The following ZNF195 variants were observed in gnomAD, a reference collection of about 807,000 sequenced individuals.
ZNF195 encodes zinc finger protein 195.
ZNF195 carries 11 observed loss-of-function variants against 19.5 expected under a neutral mutation model. The observed-to-expected ratio is 0.57, with a 90% CI of 0.36 to 0.94. ZNF195 has a LOEUF of 0.94. ZNF195 is among the 40% of genes least tolerant of loss of function. The pLI is 0.01. For missense variants in ZNF195, 582 were observed against 709.0 expected (o/e 0.82, Z 2.03); for synonymous variants, 214 against 248.1 (o/e 0.86, Z 1.29).
At chr11:3,367,145 T>C (rs1387967117) in intron 3 of ZNF195, 2 of 314,128 alleles carry the variant, frequency 6.4e-6, no homozygotes, top group Non-Finnish European at 1.3e-5. Context: ...TCTAGATCTA[T>C]ATCAAAAGTA....
intron 3 of ZNF195, among the ~76,000 whole-genome samples, chr11:3,364,258 A>G (rs1035635277): frequency 1.7e-4 from 26 of 152,292 alleles, no homozygotes; most frequent in Admixed American, 1.6e-3. Flanking sequence ...GTCAGGAGTT[A>G]GGAATTAGCA....
Position 3,378,906 on chromosome 11 carries a change from T to C in ZNF195, c.3+132A>G, listed in dbSNP as rs993074883. ...CGGGGCGCGCGGGGCCCGGCCGCCA[T>C]GGTGCAGCTGGAGGGGCCTCGGGTC... On this transcript the variant is annotated intron_variant, in intron 1 of 5. Transcript: ENST00000399602. 7.0e-6 allele frequency: 8 copies of C among 1,146,182 alleles called. No individual in the cohort carries two copies. In the African/African-American group the frequency reaches 9.6e-5, roughly 14 times the overall value. 71.0% of individuals were successfully genotyped at this position (1,146,182 alleles called of 1,614,324 possible).
At position 3,371,004 on chromosome 11, in the gene ZNF195, T is replaced by C. The variant is rs755047059; in HGVS notation, c.197A>G (p.Lys66Arg). ...ATGTCCGTCTGCTGCCTCCTGTCTC[T>C]TCACATTCCAGGGCTCTTTTCGTTG... is the stretch of plus-strand genomic sequence containing the variant. ...LEQRKEPWNV[K>R]RQEAADGHPE... is the part of the protein sequence containing the mutation. The change falls in exon 3 of 6, where the codon AAG becomes AGG. Residue 66 changes from lysine (K) to arginine (R), a missense_variant. Physicochemically the swap from Lys to Arg is conservative, Grantham distance 26 (BLOSUM62 2). Coordinates refer to ENST00000399602, the MANE Select transcript of ZNF195 (RefSeq NM_001130520.3). 1 of 1,614,130 alleles carries C rather than the reference T, an allele frequency of 6.2e-7. No homozygotes were observed. The highest frequency in any genetic ancestry group is 1.1e-5 in the South Asian group (1 of 91,084).
intron 3 of ZNF195, chr11:3,369,380 C>G (rs1009160167): frequency 5.8e-6 from 2 of 346,880 alleles, no homozygotes; most frequent in Non-Finnish European, 1.2e-5. Context: ...AATCACACTT[C>G]TGTGTATATA....
At chr11:3,371,488 A>C in intron 2 of ZNF195, 89 bp downstream of exon 2, 1 of 1,553,162 alleles carries the variant, frequency 6.4e-7, no homozygotes, top group South Asian at 1.2e-5. Context: ...TCATTCATGC[A>C]ACGCAGAAAC....
Position 3,360,678 on chromosome 11 carries a change from A to G in ZNF195, c.442+42T>C, listed in dbSNP as rs546405349. ...TTAGCAAAATGGCATAAAAAATACC[A>G]CAGGCCCTAATTTCTGTATAAACAT... is the stretch of plus-strand genomic sequence containing the variant. On this transcript the variant is annotated intron_variant, in intron 5 of 5. Transcript: ENST00000399602. 5.0e-5 allele frequency: 78 copies of G among 1,546,936 alleles called. No individual in the cohort carries two copies. In the African/African-American group the frequency reaches 9.8e-4, roughly 19 times the overall value.
At chr11:3,364,430 CATA>C (rs1848769363) in intron 3 of ZNF195, among the ~76,000 whole-genome samples, 1 of 152,018 alleles carries the variant, frequency 6.6e-6, no homozygotes, top group South Asian at 2.1e-4. Context: ...ACTTTACTAT[CATA>C]ATGATGGTGT....
chr11:3,377,383 G>A (rs543258307), intron 1 of ZNF195, among the ~76,000 whole-genome samples: 6 of 152,276 alleles, frequency 3.9e-5, no homozygotes, highest in East Asian at 1.9e-4. Context: ...ACTGTGCCCC[G>A]CTGAGTGTCC....
At chr11:3,366,641 A>G (rs1589808514) in intron 3 of ZNF195, 1 of 153,192 alleles carries the variant, frequency 6.5e-6, no homozygotes, top group African/African-American at 2.5e-5. Flanking sequence ...CAATTAAGAT[A>G]TTTCCTCACA....
intron 1 of ZNF195, among the ~76,000 whole-genome samples, chr11:3,373,382 T>A (rs539547494): frequency 1.9e-3 from 294 of 152,242 alleles, no homozygotes; most frequent in Non-Finnish European, 1.6e-3. Flanking sequence ...AAGGTGAAGA[T>A]AACAGAGAGA....
At chr11:3,367,315 T>G (rs1269487991) in intron 3 of ZNF195, among the ~76,000 whole-genome samples, 1 of 151,974 alleles carries the variant, frequency 6.6e-6, no homozygotes. Flanking sequence ...AACAGTAATA[T>G]GGAATTACAA....
rs1848554710 is a variant in ZNF195 at position 3,360,101 on chromosome 11, G to A, written c.907C>T (p.Gln303Ter). ...GTTTTAATGACGTTGTTACATTCTT[G>A]ACACTTGTAAGGTTTCTCTCCAGTG... ...IDTGEKPYKC[Q>*]ECNNVIKTCS... The change falls in exon 6 of 6, where the codon CAA (glutamine) becomes TAA (stop). Residue 303 changes from glutamine (Q) to a stop codon, truncating the protein, a stop_gained. Coordinates refer to ENST00000399602, the MANE Select transcript of ZNF195 (RefSeq NM_001130520.3). LOFTEE classifies it low-confidence loss of function (END_TRUNC). 1 of 1,613,976 alleles carries A rather than the reference G, an allele frequency of 6.2e-7. No homozygotes were observed. Among genetic ancestry groups the A allele is most frequent in the African/African-American group, 1.3e-5 (1 of 74,976 alleles).
In ZNF195 at chr11:3,360,332, C is replaced by A. The variant is rs778063543; in HGVS notation, c.676G>T (p.Asp226Tyr). The A allele has an allele frequency of 1.9e-6, 3 of 1,601,454 alleles. No individual in the cohort carries two copies. In the South Asian group the frequency reaches 3.4e-5, roughly 18 times the overall value. ...FQYNKYVKIF[D>Y]NFSNLHRRNI... The stretch of plus-strand genomic sequence containing the variant: ...CGTCTATGTAAATTTGAAAAGTTAT[C>A]AAAGATTTTAACATATTTATTATAT... The change falls in exon 6 of 6, where the codon GAT becomes TAT. Residue 226 changes from aspartate to tyrosine, a missense_variant. By Grantham distance (160) the Asp-to-Tyr change is radical (BLOSUM62 -3). This residue lies in a region of ZNF195 where 407 missense variants were observed against 530.5 expected (regional missense o/e 0.77). Coordinates refer to ENST00000399602, the MANE Select transcript of ZNF195 (RefSeq NM_001130520.3).
intron 3 of ZNF195, among the ~76,000 whole-genome samples, chr11:3,362,375 AATT>A (rs1248724500): frequency 6.6e-6 from 1 of 152,228 alleles, no homozygotes. Context: ...AATCACTTTT[AATT>A]ATTATCTAAA....
intron 1 of ZNF195, chr11:3,378,038 A>T (rs2412169): frequency 1.4e-6 from 1 of 702,934 alleles, no homozygotes; most frequent in Non-Finnish European, 1.7e-6. Flanking sequence ...GGCTGGGCGC[A>T]GTGGCTCACG....
chr11:3,360,591 G>A lies in ZNF195; in HGVS notation c.443-26C>T, dbSNP rs747769042. The A allele has an allele frequency of 1.7e-5, 26 of 1,542,898 alleles. No homozygotes were observed. In the Middle Eastern group the frequency reaches 1.1e-3, roughly 63 times the overall value. On this transcript the variant is annotated intron_variant, in intron 5 of 5. Transcript: ENST00000399602. ...CTGAAAAAAAAAAAAAAAGTTATCCGACTTACTAGACACAGATGAATACAC... is the reference window on the plus strand; with the variant it reads ...CTGAAAAAAAAAAAAAAAGTTATCCAACTTACTAGACACAGATGAATACAC...
At chr11:3,372,772 C>A (rs576073831) in intron 1 of ZNF195, among the ~76,000 whole-genome samples, 1 of 152,360 alleles carries the variant, frequency 6.6e-6, no homozygotes, top group South Asian at 2.1e-4. Context: ...CACTCTGTAG[C>A]CCAGGCTGGA....
At chr11:3,378,977 G>A (rs1564932751) in intron 1 of ZNF195, 61 bp downstream of exon 1, 11 of 1,361,400 alleles carry the variant, frequency 8.1e-6, no homozygotes, top group South Asian at 3.5e-5. Context: ...CTCCCGAGCC[G>A]GTACCGCGGG....
intron 3 of ZNF195, among the ~76,000 whole-genome samples, chr11:3,364,822 T>G (rs1848788254): frequency 6.6e-6 from 1 of 152,230 alleles, no homozygotes. Flanking sequence ...CTTCATTTCC[T>G]TCAGAAATTA....
Sources: allele counts gnomAD v4.1 joint callset (sites outside exome capture counted in the v4.1 genomes callset), GRCh38; gene constraint gnomAD v4.1.1; regional missense constraint gnomAD v4.1.1; transcripts MANE v1.5; gene names NCBI Gene and HGNC (gene_info 2026-07-23, HGNC 2026-07-21).